Variants in ZNF577 observed in about 807,000 individuals in gnomAD.
The protein encoded by ZNF577 is zinc finger protein 577.
In ZNF577, 14 loss-of-function variants were observed where a neutral mutation model predicts 13.9. The observed-to-expected ratio is 1.00, with a 90% CI of 0.66 to 1.57. The LOEUF is 1.57. ZNF577 is among the 40% of genes most tolerant of loss of function. The pLI is 0.00. For synonymous variants in ZNF577, 203 were observed against 202.9 expected (o/e 1.00, Z 0.00); for missense variants, 555 against 579.2 (o/e 0.96, Z 0.43).
chr19:51,825,027 C>T (rs1205358700), intron 9 of ZNF577: 2 of 528,110 alleles, frequency 3.8e-6, no homozygotes, highest in African/African-American at 3.8e-5. Context: ...CTACCTGGAG[C>T]TACTGTCAGA....
chr19:51,815,121 G>A (rs2084125744), intron 9 of ZNF577, among the ~76,000 whole-genome samples: 4 of 152,070 alleles, frequency 2.6e-5, no homozygotes, highest in African/African-American at 9.7e-5. Flanking sequence ...CTCATTTTAT[G>A]TTAGTGAGGT....
At chr19:51,885,240 G>A (rs2084925459) in intron 1 of ZNF577, among the ~76,000 whole-genome samples, 1 of 152,174 alleles carries the variant, frequency 6.6e-6, no homozygotes, top group African/African-American at 2.4e-5. Flanking sequence ...TACACATTCT[G>A]TACAGCTACT....
At chr19:51,859,375 C>G (rs2084473084) in intron 5 of ZNF577, among the ~76,000 whole-genome samples, 2 of 152,038 alleles carry the variant, frequency 1.3e-5, no homozygotes, top group South Asian at 4.1e-4. Flanking sequence ...GAATGGAATT[C>G]CTGGGTCATA....
chr19:51,860,854 T>A, intron 5 of ZNF577: 2 of 371,276 alleles, frequency 5.4e-6, no homozygotes, highest in Non-Finnish European at 1.0e-5. Flanking sequence ...GAGATTTCTC[T>A]CGTAAACAAG....
At position 51,873,425 on chromosome 19, in the gene ZNF577, C is replaced by T. The variant is rs910909675; in HGVS notation, c.565G>A (p.Gly189Ser). ...CTCATGAATGTTTTCCCACATTCAC[C>T]ACATCCATGGGGTTTCTCTCCTCTT... ...TERGEKPHGC[G>S]ECGKTFMRKI... is the part of the protein sequence containing the mutation. The change falls in exon 6 of 6, where the codon GGT (glycine) becomes AGT (serine). Residue 189 changes from glycine (G) to serine (S), a missense_variant. Gly to Ser is a moderately conservative substitution (Grantham distance 56, BLOSUM62 0). Coordinates refer to ENST00000638348, the MANE Select transcript of ZNF577 (RefSeq NM_001370449.1). 6.2e-7 allele frequency: 1 copy of T among 1,614,130 alleles called. No individual in the cohort carries two copies. The highest frequency in any genetic ancestry group is 1.7e-5 in the Admixed American group (1 of 60,024).
At chr19:51,881,506 G>A (rs1190103007) in intron 1 of ZNF577, among the ~76,000 whole-genome samples, 1 of 152,138 alleles carries the variant, frequency 6.6e-6, no homozygotes, top group Non-Finnish European at 1.5e-5. Context: ...ACATGAGTAA[G>A]CTGAGGCTTG....
intron 5 of ZNF577, among the ~76,000 whole-genome samples, chr19:51,850,244 C>T (rs1278136476): frequency 6.6e-6 from 1 of 152,162 alleles, no homozygotes; most frequent in Non-Finnish European, 1.5e-5. Flanking sequence ...TTGGGCCATG[C>T]CAGATATGCT....
chr19:51,845,993 G>T (rs1336482396), intron 5 of ZNF577, among the ~76,000 whole-genome samples: 1 of 152,088 alleles, frequency 6.6e-6, no homozygotes, highest in Non-Finnish European at 1.5e-5. Context: ...CCAGTAGTAG[G>T]ATTGCTGCAT....
chr19:51,821,140 C>G (rs747095450), intron 9 of ZNF577, among the ~76,000 whole-genome samples: 2 of 152,212 alleles, frequency 1.3e-5, no homozygotes, highest in Non-Finnish European at 2.9e-5. Context: ...CATGTCCAGT[C>G]TCACTTAATC....
At chr19:51,812,621 C>T (rs993982799) in intron 9 of ZNF577, among the ~76,000 whole-genome samples, 1 of 152,160 alleles carries the variant, frequency 6.6e-6, no homozygotes, top group Non-Finnish European at 1.5e-5. Context: ...CCTAGGGGTA[C>T]CCTCATAGCT....
chr19:51,873,788 CA>C, intron 5 of ZNF577, 82 bp from the exon 6 acceptor site: 1 of 1,089,646 alleles, frequency 9.2e-7, no homozygotes, highest in Admixed American at 2.9e-5. Context: ...TTACATAAAC[CA>C]AACTTATTTC....
chr19:51,816,219 A>G (rs2084135944), intron 9 of ZNF577, among the ~76,000 whole-genome samples: 1 of 152,160 alleles, frequency 6.6e-6, no homozygotes, highest in South Asian at 2.1e-4. Flanking sequence ...TGCCCTATGC[A>G]TCTATTTTGA....
chr19:51,877,020 G>A (rs2084776128), intron 5 of ZNF577, among the ~76,000 whole-genome samples: 1 of 152,116 alleles, frequency 6.6e-6, no homozygotes, highest in Non-Finnish European at 1.5e-5. Context: ...AGCAGGCTGG[G>A]AAGAATGGAA....
rs767007741 is a variant in ZNF577 at position 51,824,087 on chromosome 19, C to T, written c.*600-12413G>A. On this transcript the variant is annotated intron_variant and NMD_transcript_variant, in intron 9 of 10. Transcript: ENST00000638827. This position sits in a 1 kb window ranked among gnomAD's most constrained non-coding sequence, Gnocchi z 4.7. The stretch of plus-strand genomic sequence containing the variant: ...TAGACATCAACCTGTTTGTCAGTGT[C>T]TACCTGATCACCATCATTGCTCTGG... The T allele has an allele frequency of 1.1e-5, 18 of 1,614,004 alleles. No individual in the cohort carries two copies. The Admixed American group carries it at 2.5e-4, about 22-fold the overall frequency.
intron 9 of ZNF577, among the ~76,000 whole-genome samples, chr19:51,836,940 A>C (rs2084290409): frequency 6.7e-6 from 1 of 150,146 alleles, no homozygotes; most frequent in African/African-American, 2.4e-5. Flanking sequence ...GCTACTTGGG[A>C]GGCAGAGGCA....
At chr19:51,860,609 T>C (rs1342499313) in intron 5 of ZNF577, 1 of 156,416 alleles carries the variant, frequency 6.4e-6, no homozygotes, top group Admixed American at 6.5e-5. Context: ...CGTTTTCCCT[T>C]CTGATTTAAG....
rs2084578069 is a variant in ZNF577, at chr19:51,867,220, T to C, written c.*5312A>G. Among the ~76,000 whole-genome samples, 1 of 152,226 alleles carries C rather than the reference T, an allele frequency of 6.6e-6. No homozygotes were observed. The highest frequency in any genetic ancestry group is 1.5e-5 in the Non-Finnish European group (1 of 68,044). On this transcript the variant is annotated 3_prime_UTR_variant, in exon 6 of 6. Transcript: ENST00000638348. ...TGTATTTCCATTTAATAGTTATTTGTCTTAAGCCTTGCAAAGTCATTGGAA... is the reference window on the plus strand; with the variant it reads ...TGTATTTCCATTTAATAGTTATTTGCCTTAAGCCTTGCAAAGTCATTGGAA...
At chr19:51,844,221 C>T (rs531188016) in intron 6 of ZNF577, among the ~76,000 whole-genome samples, 18 of 151,990 alleles carry the variant, frequency 1.2e-4, no homozygotes, top group African/African-American at 3.1e-4. Flanking sequence ...TGCACAATAA[C>T]CCTTGTTTAA....
Position 51,872,707 on chromosome 19 carries a change from T to C in ZNF577, c.1283A>G (p.Lys428Arg), listed in dbSNP as rs771293760. The change falls in exon 6 of 6, where the codon AAG becomes AGG. Residue 428 changes from lysine to arginine, a missense_variant. Coordinates refer to ENST00000638348, the MANE Select transcript of ZNF577 (RefSeq NM_001370449.1). ...PSSGTPPLLN[K>R]SERLVGRNVV... ...ATTTCTGCCCACTAGGCGCTCACTC[T>C]TGTTTAACAATGGCGGGGTTCCTGA... 6.2e-7 allele frequency: 1 copy of C among 1,614,094 alleles called. No homozygotes were observed. The highest frequency in any genetic ancestry group is 1.1e-5 in the South Asian group (1 of 91,088).
Sources: gnomAD v4.1 joint callset for allele counts (sites outside exome capture counted in the v4.1 genomes callset) on GRCh38, gnomAD v4.1.1 for gene constraint, Gnocchi (gnomAD v3.1) non-coding constraint, MANE v1.5 for transcripts, NCBI Gene and HGNC (gene_info 2026-07-23, HGNC 2026-07-21) for gene names.